Variants in LRP1B observed in about 807,000 individuals in gnomAD.
LRP1B encodes LDL receptor related protein 1B.
LRP1B carries 217 observed loss-of-function variants against 556.6 expected under a neutral mutation model. That is an observed-to-expected ratio of 0.39 (90% CI 0.35 to 0.44). The LOEUF (loss-of-function observed/expected upper bound fraction) is 0.44. LRP1B is among the 20% of genes least tolerant of loss of function. LRP1B has a pLI of 1.00. For missense variants in LRP1B, 5,053 were observed against 5,620.8 expected (o/e 0.90, Z 3.23); for synonymous variants, 2,047 against 1,865.8 (o/e 1.10, Z -2.50).
At chr2:140,698,066 T>G (rs1012512229) in intron 41 of LRP1B, among the ~76,000 whole-genome samples, 8 of 151,266 alleles carry the variant, frequency 5.3e-5, no homozygotes, top group African/African-American at 1.9e-4. Context: ...AAATGGTTTT[T>G]TTTTTTAAGC....
chr2:140,804,561 T>A (rs1159379241), intron 32 of LRP1B, among the ~76,000 whole-genome samples: 1 of 151,958 alleles, frequency 6.6e-6, no homozygotes, highest in Non-Finnish European at 1.5e-5. Flanking sequence ...AAGTGATATT[T>A]TGCTGAGAAG....
chr2:141,336,015 C>A (rs531125347), intron 3 of LRP1B, among the ~76,000 whole-genome samples: 1 of 143,586 alleles, frequency 7.0e-6, no homozygotes, highest in Non-Finnish European at 1.5e-5. Context: ...GGTTTAGGCT[C>A]GATGTTATCT....
At chr2:140,862,565 C>T (rs1433942106) in intron 27 of LRP1B, among the ~76,000 whole-genome samples, 2 of 152,176 alleles carry the variant, frequency 1.3e-5, no homozygotes, top group Non-Finnish European at 2.9e-5. Flanking sequence ...AAATCTCTAT[C>T]ACCACTTTTT....
intron 18 of LRP1B, among the ~76,000 whole-genome samples, chr2:140,963,818 G>A (rs1254807934): frequency 5.3e-5 from 8 of 152,264 alleles, no homozygotes; most frequent in Non-Finnish European, 1.2e-4. Context: ...TTAGCTGGGC[G>A]TGGTGGCACA....
intron 7 of LRP1B, among the ~76,000 whole-genome samples, chr2:141,136,489 T>C (rs762737872): frequency 6.6e-6 from 1 of 151,780 alleles, no homozygotes; most frequent in African/African-American, 2.4e-5. Context: ...TTTATTTATC[T>C]AAAGGCAAGG....
At chr2:141,859,330 T>C (rs1698166948) in intron 1 of LRP1B, among the ~76,000 whole-genome samples, 1 of 152,196 alleles carries the variant, frequency 6.6e-6, no homozygotes, top group Non-Finnish European at 1.5e-5. Flanking sequence ...CATCTCGACC[T>C]GAAATAGTCT....
chr2:140,788,186 T>C (rs17515225), intron 32 of LRP1B, among the ~76,000 whole-genome samples: 66,224 of 152,052 alleles, frequency 0.44, 16,198 homozygotes, highest in East Asian at 0.66. Context: ...AGGACAATAA[T>C]TGGTAGCTAT....
chr2:141,050,313 A>G (rs544959559), intron 10 of LRP1B, among the ~76,000 whole-genome samples: 2 of 151,928 alleles, frequency 1.3e-5, no homozygotes, highest in African/African-American at 4.8e-5. Flanking sequence ...TTAAATATAT[A>G]TAAAAGAATA....
At chr2:140,288,526 T>C (rs1683250937) in intron 84 of LRP1B, among the ~76,000 whole-genome samples, 1 of 151,874 alleles carries the variant, frequency 6.6e-6, no homozygotes, top group Non-Finnish European at 1.5e-5. Flanking sequence ...AGCAGACGCA[T>C]TTAACTAGCA....
At chr2:142,127,133 C>T (rs1178564023) in intron 1 of LRP1B, among the ~76,000 whole-genome samples, 1 of 151,864 alleles carries the variant, frequency 6.6e-6, no homozygotes, top group African/African-American at 2.4e-5. Context: ...ATTTGTAATT[C>T]TAGCACAGTT....
chr2:141,472,977 T>G (rs1010922164), intron 3 of LRP1B, among the ~76,000 whole-genome samples: 18 of 152,188 alleles, frequency 1.2e-4, no homozygotes, highest in African/African-American at 4.3e-4. Flanking sequence ...AGACTACCTT[T>G]TGAATTCTCA....
At chr2:141,885,527 C>G (rs900745925) in intron 1 of LRP1B, among the ~76,000 whole-genome samples, 1 of 152,082 alleles carries the variant, frequency 6.6e-6, no homozygotes, top group Non-Finnish European at 1.5e-5. Context: ...AATGAGCAGA[C>G]CTTGAAGAGG....
At chr2:141,259,784 T>G (rs931540047) in intron 3 of LRP1B, among the ~76,000 whole-genome samples, 1 of 152,202 alleles carries the variant, frequency 6.6e-6, no homozygotes, top group Admixed American at 6.6e-5. Context: ...ATCTCTAAAA[T>G]GGGGATAATA....
rs142656327 is a variant in LRP1B, at chr2:141,420,497, C to T, written c.343+59899G>A. On this transcript the variant is annotated intron_variant, in intron 3 of 90. Coordinates refer to ENST00000389484, the MANE Select transcript of LRP1B (RefSeq NM_018557.3). ...TAGAAAGAATTGGCAGCTACTTTACCAAAAGCTCGTAAGTTTTTGCTCTCC... is the reference window on the plus strand; with the variant it reads ...TAGAAAGAATTGGCAGCTACTTTACTAAAAGCTCGTAAGTTTTTGCTCTCC... 8.2e-3 allele frequency among the ~76,000 whole-genome samples: 1,213 copies of T among 147,336 alleles called. 6 individuals are homozygous for T. The highest frequency in any genetic ancestry group is 0.014 in the Non-Finnish European group (924 of 65,642).
At chr2:141,492,091 A>AAAAAAAAAAAC (rs67960557) in intron 2 of LRP1B, among the ~76,000 whole-genome samples, 26,583 of 99,884 alleles carry the variant, frequency 0.27, 5,491 homozygotes, top group East Asian at 0.52. Context: ...AAAAAAAAAA[A>AAAAAAAAAAAC]CACTAAGAAA....
At chr2:141,081,642 G>GA (rs1298550236) in intron 7 of LRP1B, among the ~76,000 whole-genome samples, 1 of 152,090 alleles carries the variant, frequency 6.6e-6, no homozygotes. Flanking sequence ...GGTAGGTAGG[G>GA]AAAAATAGCT....
intron 41 of LRP1B, among the ~76,000 whole-genome samples, chr2:140,665,131 G>C (rs1439711350): frequency 6.6e-6 from 1 of 152,130 alleles, no homozygotes; most frequent in African/African-American, 2.4e-5. Context: ...TTGTTTATAT[G>C]TATTACTCCA....
At chr2:141,580,168 T>G (rs769649845) in intron 2 of LRP1B, among the ~76,000 whole-genome samples, 26 of 152,208 alleles carry the variant, frequency 1.7e-4, no homozygotes, top group Non-Finnish European at 3.7e-4. Flanking sequence ...ATTATCATTT[T>G]AGGCACTAAT....
intron 2 of LRP1B, among the ~76,000 whole-genome samples, chr2:141,651,239 T>G (rs1689777736): frequency 6.6e-6 from 1 of 152,166 alleles, no homozygotes; most frequent in Non-Finnish European, 1.5e-5. Flanking sequence ...ACTCCACAGG[T>G]TTATATATAT....
Sources: allele counts gnomAD v4.1 joint callset (sites outside exome capture counted in the v4.1 genomes callset), GRCh38; gene constraint gnomAD v4.1.1; transcripts MANE v1.5; gene names NCBI Gene and HGNC (gene_info 2026-07-23, HGNC 2026-07-21).